STK32B: variants seen among roughly 807,000 people sequenced by gnomAD.
STK32B encodes serine/threonine kinase 32B, also known as serine/threonine-protein kinase 32B.
STK32B carries 43 observed loss-of-function variants against 52.6 expected under a neutral mutation model. The observed-to-expected ratio is 0.82, with a 90% CI of 0.64 to 1.05. The LOEUF is 1.05. Among genes scored for constraint, STK32B ranks in the 50% least tolerant of loss-of-function variants. STK32B has a pLI of 0.00. For missense variants in STK32B, 621 were observed against 534.6 expected (o/e 1.16, Z -1.59); for synonymous variants, 238 against 204.3 (o/e 1.17, Z -1.41).
In STK32B at chr4:5,495,070, C is replaced by T. The variant is rs562383186; in HGVS notation, c.1107-3875C>T. ...TTATGTGTCTTGGAGTTGCTCTTCTCGAGGAGTATCTTTGTGGCATTCTCT... is the reference window on the plus strand; with the variant it reads ...TTATGTGTCTTGGAGTTGCTCTTCTTGAGGAGTATCTTTGTGGCATTCTCT... On this transcript the variant is annotated intron_variant, in intron 11 of 11. Transcript: ENST00000282908. Among the ~76,000 whole-genome samples, 127 of 152,152 alleles carry T rather than the reference C, an allele frequency of 8.3e-4. 2 individuals are homozygous for T. Among genetic ancestry groups the T allele is most frequent in the South Asian group, 5.2e-3 (25 of 4,812 alleles).
intron 4 of STK32B, among the ~76,000 whole-genome samples, chr4:5,372,337 C>T (rs992717837): frequency 1.3e-5 from 2 of 152,120 alleles, no homozygotes; most frequent in Non-Finnish European, 2.9e-5. Flanking sequence ...TGGGTCCTGC[C>T]ATCTCTGTCC....
intron 2 of STK32B, among the ~76,000 whole-genome samples, chr4:5,166,089 G>A (rs990429084): frequency 6.6e-6 from 1 of 151,960 alleles, no homozygotes; most frequent in African/African-American, 2.4e-5. Flanking sequence ...TATCTGCCTT[G>A]AATAGATTTG....
At chr4:5,478,320 G>A (rs1022629505) in intron 11 of STK32B, among the ~76,000 whole-genome samples, 8 of 152,306 alleles carry the variant, frequency 5.3e-5, no homozygotes, top group East Asian at 3.9e-4. Context: ...GCAAAGGGGC[G>A]GAGAGAGGGA....
rs760752437 is a variant in STK32B, at chr4:5,168,432, C to G, written c.242C>G (p.Pro81Arg). Residue 81 changes from proline to arginine, a missense_variant, in exon 3 of 12, where the codon CCC (proline) becomes CGC (arginine). By Grantham distance (103) the Pro-to-Arg change is moderately radical. Coordinates refer to ENST00000282908, the MANE Select transcript of STK32B (RefSeq NM_018401.3). ...ELQIMQGLEH[P>R]FLVNLWYSFQ... is the part of the protein sequence containing the mutation. ...CAGATCATGCAAGGGCTGGAGCACCCCTTCCTGGTCAATCTGTGGTGAGTG... is the reference window on the plus strand; with the variant it reads ...CAGATCATGCAAGGGCTGGAGCACCGCTTCCTGGTCAATCTGTGGTGAGTG... 1 of 1,613,452 alleles carries G rather than the reference C, an allele frequency of 6.2e-7. No homozygotes were observed. Among genetic ancestry groups the G allele is most frequent in the Non-Finnish European group, 8.5e-7 (1 of 1,179,768 alleles).
chr4:5,261,059 G>A (rs550389637), intron 3 of STK32B, among the ~76,000 whole-genome samples: 45 of 152,272 alleles, frequency 3.0e-4, no homozygotes, highest in African/African-American at 1.1e-3. Flanking sequence ...CTTTAGTGGA[G>A]ACAACTCCAA....
At position 5,331,388 on chromosome 4, in the gene STK32B, C is replaced by T; in HGVS notation, c.429C>T (p.Ile143=). 6.2e-7 allele frequency: 1 copy of T among 1,609,572 alleles called. No homozygotes were observed. The highest frequency in any genetic ancestry group is 1.3e-5 in the African/African-American group (1 of 74,952). Residue 143 remains isoleucine, a synonymous_variant, in exon 4 of 12, where the codon ATC becomes ATT. Transcript: ENST00000282908. ...ALEYLQRYHI[I]HRDIKPDNIL... ...AGTATCTTCAGAGGTACCACATCATCCACAGGTAACTGGGCTGCTGGCGGG... is the reference window on the plus strand; with the variant it reads ...AGTATCTTCAGAGGTACCACATCATTCACAGGTAACTGGGCTGCTGGCGGG...
intron 1 of STK32B, among the ~76,000 whole-genome samples, chr4:5,059,599 C>CA: frequency 6.6e-6 from 1 of 152,102 alleles, no homozygotes; most frequent in Non-Finnish European, 1.5e-5. Flanking sequence ...TTTGATTTGC[C>CA]AACGTTTTGT....
intron 3 of STK32B, among the ~76,000 whole-genome samples, chr4:5,304,327 A>G (rs1729773066): frequency 6.6e-6 from 1 of 151,732 alleles, no homozygotes; most frequent in African/African-American, 2.4e-5. Flanking sequence ...ATGTGTTTCC[A>G]TCTGTGTCAT....
At chr4:5,376,748 C>T (rs955935537) in intron 4 of STK32B, among the ~76,000 whole-genome samples, 10 of 152,146 alleles carry the variant, frequency 6.6e-5, no homozygotes, top group African/African-American at 2.4e-4. Context: ...CCGCACTCTC[C>T]AATGCCAAAT....
chr4:5,053,746 G>A (rs1483246571), intron 1 of STK32B, among the ~76,000 whole-genome samples: 1 of 152,118 alleles, frequency 6.6e-6, no homozygotes, highest in Admixed American at 6.6e-5. Context: ...ACTTTGGGAG[G>A]CCGAGGTGGA....
chr4:5,271,312 T>A (rs57643698), intron 3 of STK32B, among the ~76,000 whole-genome samples: 29,891 of 151,982 alleles, frequency 0.2, 6,052 homozygotes, highest in African/African-American at 0.51. Flanking sequence ...TGTAAAAAAA[T>A]TAACCTGTAC....
intron 1 of STK32B, among the ~76,000 whole-genome samples, chr4:5,085,564 A>C (rs1712688948): frequency 6.6e-6 from 1 of 152,238 alleles, no homozygotes; most frequent in South Asian, 2.1e-4. Context: ...ATGCAGGTGC[A>C]TTCTCTACTA....
chr4:5,324,587 T>C (rs1363918013), intron 3 of STK32B, among the ~76,000 whole-genome samples: 2 of 152,136 alleles, frequency 1.3e-5, no homozygotes, highest in Non-Finnish European at 2.9e-5. Context: ...CTGTGCATTG[T>C]AGGATATTTA....
chr4:5,289,730 A>G (rs1391623765), intron 3 of STK32B, among the ~76,000 whole-genome samples: 7 of 114,928 alleles, frequency 6.1e-5, no homozygotes, highest in African/African-American at 2.4e-4. Flanking sequence ...TTTTTAGTAG[A>G]GATGGGGTTT....
chr4:5,279,138 C>G (rs547557342), intron 3 of STK32B, among the ~76,000 whole-genome samples: 1 of 152,302 alleles, frequency 6.6e-6, no homozygotes, highest in East Asian at 1.9e-4. Context: ...TAACTCATTC[C>G]AGCACTAACT....
intron 1 of STK32B, among the ~76,000 whole-genome samples, chr4:5,062,267 A>G (rs1742244446): frequency 6.6e-6 from 1 of 152,120 alleles, no homozygotes; most frequent in African/African-American, 2.4e-5. Flanking sequence ...ACTACATCTA[A>G]CTTGTCATTT....
At position 5,467,711 on chromosome 4, in the gene STK32B, C is replaced by T. The variant is rs1717555742; in HGVS notation, c.1042-295C>T. On this transcript the variant is annotated intron_variant, in intron 10 of 11. Coordinates refer to ENST00000282908, the MANE Select transcript of STK32B (RefSeq NM_018401.3). The surrounding 1 kb of genome is among the most constrained non-coding windows in gnomAD (Gnocchi z 5.8). ...TGGTTTTCCATGCCCCTCACGTGGG[C>T]CTTAAGTGGTCAGGAAAATAAGCTC... 6.6e-6 allele frequency among the ~76,000 whole-genome samples: 1 copy of T among 152,110 alleles called. No homozygotes were observed. Among genetic ancestry groups the T allele is most frequent in the Admixed American group, 6.5e-5 (1 of 15,270 alleles).
At chr4:5,033,305 G>A in the STK32B span, among the ~76,000 whole-genome samples, 1,558 of 152,246 alleles carry the variant, frequency 0.01, 32 homozygotes, top group African/African-American at 0.034. Flanking sequence ...CCCCAGCTGG[G>A]CCATGGCCCG....
chr4:5,071,678 C>G (rs1213752687), intron 1 of STK32B, among the ~76,000 whole-genome samples: 1 of 152,158 alleles, frequency 6.6e-6, no homozygotes, highest in African/African-American at 2.4e-5. Flanking sequence ...CTTAGCAGAA[C>G]ACACCTTTCA....
Sources: allele counts gnomAD v4.1 joint callset (sites outside exome capture counted in the v4.1 genomes callset), GRCh38; gene constraint gnomAD v4.1.1; non-coding constraint Gnocchi (gnomAD v3.1); transcripts MANE v1.5; gene names NCBI Gene and HGNC (gene_info 2026-07-23, HGNC 2026-07-21).